The following STAC variants were observed in gnomAD, a reference collection of about 807,000 sequenced individuals.
STAC encodes the protein SH3 and cysteine rich domain.
A neutral mutation model predicts 48.8 loss-of-function variants in STAC; 43 were observed. The observed-to-expected ratio is 0.88, with a 90% CI of 0.69 to 1.14. STAC has a LOEUF of 1.14. Ranked by LOEUF, STAC falls within the 50% of genes most tolerant of loss-of-function variation. STAC has a pLI of 0.00. For synonymous variants in STAC, 193 were observed against 179.5 expected (o/e 1.07, Z -0.60); for missense variants, 497 against 504.0 (o/e 0.99, Z 0.13).
At chr3:36,432,708 A>C (rs1284783708) in intron 1 of STAC, among the ~76,000 whole-genome samples, 1 of 152,160 alleles carries the variant, frequency 6.6e-6, no homozygotes, top group African/African-American at 2.4e-5. Context: ...GTCTCAAAAA[A>C]AAAAAAAAAC....
At chr3:36,441,742 C>T (rs1282483288) in intron 1 of STAC, among the ~76,000 whole-genome samples, 1 of 152,130 alleles carries the variant, frequency 6.6e-6, no homozygotes, top group Admixed American at 6.5e-5. Context: ...CTTTTCTCTG[C>T]ATTTGTTATT....
chr3:36,532,898 C>T (rs1699104636), intron 10 of STAC, among the ~76,000 whole-genome samples: 1 of 152,108 alleles, frequency 6.6e-6, no homozygotes, highest in Non-Finnish European at 1.5e-5. Flanking sequence ...CATACAGACA[C>T]ACTGTATAAA....
chr3:36,399,976 G>T (rs1173872895), intron 1 of STAC, among the ~76,000 whole-genome samples: 3 of 152,184 alleles, frequency 2.0e-5, no homozygotes, highest in African/African-American at 7.2e-5. Context: ...TTAATAAATG[G>T]AAAGAAAGGA....
At chr3:36,414,591 G>T (rs1438416196) in intron 1 of STAC, among the ~76,000 whole-genome samples, 1 of 152,064 alleles carries the variant, frequency 6.6e-6, no homozygotes, top group African/African-American at 2.4e-5. Flanking sequence ...CTTTTTTCAA[G>T]GTTTTTAACT....
intron 6 of STAC, among the ~76,000 whole-genome samples, chr3:36,498,746 C>A (rs915130897): frequency 3.3e-5 from 5 of 151,916 alleles, no homozygotes; most frequent in Non-Finnish European, 5.9e-5. Context: ...CAGCACCAGA[C>A]CCTGTCTCAA....
intron 2 of STAC, among the ~76,000 whole-genome samples, chr3:36,463,521 T>C (rs63415260): frequency 2.7e-5 from 4 of 150,640 alleles, no homozygotes; most frequent in African/African-American, 9.8e-5. Flanking sequence ...TTTTTTTTTT[T>C]AATTATACTT....
At chr3:36,481,149 T>C (rs1224028068) in intron 2 of STAC, among the ~76,000 whole-genome samples, 2 of 152,176 alleles carry the variant, frequency 1.3e-5, no homozygotes, top group South Asian at 2.1e-4. Flanking sequence ...TGAAGCAGCA[T>C]GTGTAGAGAG....
intron 1 of STAC, among the ~76,000 whole-genome samples, chr3:36,420,009 C>T (rs1455473123): frequency 6.6e-6 from 1 of 152,098 alleles, no homozygotes; most frequent in Non-Finnish European, 1.5e-5. Flanking sequence ...TTATTCTTTG[C>T]CATATGAACT....
At chr3:36,516,226 C>T (rs921471711) in intron 8 of STAC, among the ~76,000 whole-genome samples, 1 of 152,038 alleles carries the variant, frequency 6.6e-6, no homozygotes, top group African/African-American at 2.4e-5. Context: ...TCGTGATCCT[C>T]CCGTCTCAGC....
intron 2 of STAC, among the ~76,000 whole-genome samples, chr3:36,453,324 A>C (rs2125676758): frequency 1.3e-5 from 2 of 152,222 alleles, no homozygotes; most frequent in Middle Eastern, 6.8e-3. Context: ...CAGCTCCCTC[A>C]GCTTGCGGCG....
At chr3:36,510,856 A>G (rs1260909469) in intron 8 of STAC, among the ~76,000 whole-genome samples, 1 of 152,122 alleles carries the variant, frequency 6.6e-6, no homozygotes, top group East Asian at 1.9e-4. Context: ...TACCTAATGT[A>G]GATGACGGGT....
intron 2 of STAC, among the ~76,000 whole-genome samples, chr3:36,470,163 T>C (rs558570129): frequency 4.6e-5 from 7 of 152,322 alleles, no homozygotes; most frequent in African/African-American, 1.7e-4. Flanking sequence ...ATTACCAGAA[T>C]TGTTTTTCTG....
chr3:36,481,464 T>C (rs1697644837), intron 2 of STAC, among the ~76,000 whole-genome samples: 1 of 152,190 alleles, frequency 6.6e-6, no homozygotes, highest in Non-Finnish European at 1.5e-5. Flanking sequence ...GAAGCAATTG[T>C]AGAGAAGAGG....
At chr3:36,512,094 C>T (rs1351808743) in intron 8 of STAC, among the ~76,000 whole-genome samples, 1 of 152,148 alleles carries the variant, frequency 6.6e-6, no homozygotes, top group African/African-American at 2.4e-5. Context: ...GGGCCTGAGT[C>T]CTGGCTCCTT....
At chr3:36,528,824 T>A (rs1218425208) in intron 9 of STAC, 24 bp from the exon 10 acceptor site, 1 of 1,609,830 alleles carries the variant, frequency 6.2e-7, no homozygotes, top group African/African-American at 1.3e-5. Flanking sequence ...CAATTGTGGA[T>A]GCATGCCTCC....
intron 8 of STAC, among the ~76,000 whole-genome samples, chr3:36,514,451 C>T (rs1698620470): frequency 6.6e-6 from 1 of 151,824 alleles, no homozygotes; most frequent in Non-Finnish European, 1.5e-5. Context: ...TTACATTCTT[C>T]TGTTATATTC....
chr3:36,526,426 T>A (rs1418702362), intron 8 of STAC, among the ~76,000 whole-genome samples: 1 of 152,178 alleles, frequency 6.6e-6, no homozygotes, highest in Non-Finnish European at 1.5e-5. Flanking sequence ...CTTAGAGGCA[T>A]CATGTGCTTT....
intron 1 of STAC, among the ~76,000 whole-genome samples, chr3:36,384,395 C>T (rs1575167056): frequency 6.6e-6 from 1 of 152,122 alleles, no homozygotes; most frequent in East Asian, 1.9e-4. Context: ...CATGGGGATG[C>T]TGATGGGGCT....
chr3:36,446,256 C>T (rs1204773603), intron 2 of STAC, among the ~76,000 whole-genome samples: 1 of 152,224 alleles, frequency 6.6e-6, no homozygotes, highest in Non-Finnish European at 1.5e-5. Context: ...AAACTTTGGT[C>T]ACCTAAGCAA....
Sources: allele counts gnomAD v4.1 joint callset (sites outside exome capture counted in the v4.1 genomes callset), GRCh38; gene constraint gnomAD v4.1.1; transcripts MANE v1.5; gene names NCBI Gene and HGNC (gene_info 2026-07-23, HGNC 2026-07-21).